Variants in SYNPR observed in about 807,000 individuals in gnomAD.
The protein encoded by SYNPR is synaptoporin.
Under a neutral mutation model 32.9 loss-of-function variants are expected in SYNPR, and 23 were observed. That is an observed-to-expected ratio of 0.70 (90% CI 0.50 to 0.99). SYNPR has a LOEUF of 0.99. SYNPR is among the 50% of genes least tolerant of loss of function. The pLI is 0.00. For missense variants in SYNPR, 318 were observed against 349.3 expected (o/e 0.91, Z 0.71); for synonymous variants, 146 against 135.9 (o/e 1.07, Z -0.52).
At chr3:63,593,105 A>C (rs557661642) in intron 4 of SYNPR, among the ~76,000 whole-genome samples, 8 of 152,212 alleles carry the variant, frequency 5.3e-5, no homozygotes, top group South Asian at 2.1e-4. Flanking sequence ...TTCTCAATGA[A>C]GATCAAGCAG....
chr3:63,432,440 G>A (rs1700011271), intron 2 of SYNPR, among the ~76,000 whole-genome samples: 1 of 152,164 alleles, frequency 6.6e-6, no homozygotes, highest in African/African-American at 2.4e-5. Flanking sequence ...ATTTTAAGAA[G>A]TGGTTCTGGG....
intron 2 of SYNPR, among the ~76,000 whole-genome samples, chr3:63,475,187 A>G (rs1313971248): frequency 6.6e-6 from 1 of 152,168 alleles, no homozygotes. Flanking sequence ...ATCAGGCTGC[A>G]TAGAAGGGGA....
intron 2 of SYNPR, among the ~76,000 whole-genome samples, chr3:63,265,786 TG>T (rs2086481193): frequency 6.6e-6 from 1 of 152,202 alleles, no homozygotes; most frequent in Non-Finnish European, 1.5e-5. Flanking sequence ...ATATCACCAC[TG>T]TTGTCCTAAT....
At chr3:63,516,655 C>T (rs1004059288) in intron 3 of SYNPR, among the ~76,000 whole-genome samples, 1 of 152,092 alleles carries the variant, frequency 6.6e-6, no homozygotes, top group Non-Finnish European at 1.5e-5. Context: ...GATCCAAAGA[C>T]TTCTCTATTT....
intron 2 of SYNPR, among the ~76,000 whole-genome samples, chr3:63,438,304 C>T (rs935775646): frequency 1.3e-5 from 2 of 152,194 alleles, no homozygotes; most frequent in Non-Finnish European, 2.9e-5. Flanking sequence ...GCTTTTCTTG[C>T]ATCCACAAAC....
At chr3:63,443,134 G>T in intron 2 of SYNPR, 2 of 1,149,408 alleles carry the variant, frequency 1.7e-6, no homozygotes, top group Non-Finnish European at 2.2e-6. Flanking sequence ...GCTCACCATG[G>T]TGGCAGCCAC....
chr3:63,245,174 ATC>A (rs2086274800), intron 1 of SYNPR, among the ~76,000 whole-genome samples: 2 of 152,180 alleles, frequency 1.3e-5, no homozygotes, highest in African/African-American at 4.8e-5. Flanking sequence ...CCAGTGTCAA[ATC>A]TCTGTTTTCA....
At chr3:63,450,067 G>A (rs1700350425) in intron 2 of SYNPR, among the ~76,000 whole-genome samples, 1 of 152,102 alleles carries the variant, frequency 6.6e-6, no homozygotes, top group Admixed American at 6.6e-5. Context: ...GTTCAATAAG[G>A]GCAGCACAGC....
intron 1 of SYNPR, among the ~76,000 whole-genome samples, chr3:63,243,088 A>G (rs1339101848): frequency 2.6e-5 from 4 of 152,138 alleles, no homozygotes; most frequent in Non-Finnish European, 4.4e-5. Context: ...GACAGCATCT[A>G]ATATATGTCT....
intron 4 of SYNPR, among the ~76,000 whole-genome samples, chr3:63,606,314 T>G (rs904838524): frequency 1.8e-4 from 27 of 152,086 alleles, no homozygotes; most frequent in African/African-American, 5.6e-4. Flanking sequence ...ATACCATGTT[T>G]ATTCTGAAGA....
chr3:63,225,460 C>A (rs868121671), upstream of SYNPR, among the ~76,000 whole-genome samples: 1 of 152,164 alleles, frequency 6.6e-6, no homozygotes, highest in Admixed American at 6.5e-5. Flanking sequence ...CCAAACCACC[C>A]TGGCATCAAC....
At chr3:63,349,631 T>C (rs1166546656) in intron 2 of SYNPR, among the ~76,000 whole-genome samples, 1 of 152,226 alleles carries the variant, frequency 6.6e-6, no homozygotes. Flanking sequence ...TGCATCGAAA[T>C]GCCACTGATT....
intron 2 of SYNPR, among the ~76,000 whole-genome samples, chr3:63,368,905 GAGA>G (rs1206354130): frequency 2.6e-5 from 4 of 152,194 alleles, no homozygotes; most frequent in Non-Finnish European, 5.9e-5. Flanking sequence ...TCTTAGAGTT[GAGA>G]AGGACACCTT....
intron 2 of SYNPR, among the ~76,000 whole-genome samples, chr3:63,340,987 A>G (rs937526642): frequency 6.6e-6 from 1 of 152,198 alleles, no homozygotes; most frequent in African/African-American, 2.4e-5. Flanking sequence ...ACAGTGTCAT[A>G]CAGAATAGTT....
intron 2 of SYNPR, among the ~76,000 whole-genome samples, chr3:63,373,423 T>C (rs994409726): frequency 6.6e-6 from 1 of 151,856 alleles, no homozygotes; most frequent in Non-Finnish European, 1.5e-5. Context: ...CCACAAAAAT[T>C]TCATAATGCA....
At chr3:63,505,905 T>C (rs1344307365) in intron 3 of SYNPR, among the ~76,000 whole-genome samples, 1 of 152,150 alleles carries the variant, frequency 6.6e-6, no homozygotes, top group African/African-American at 2.4e-5. Context: ...GCCAACCCTT[T>C]TATTGATTTT....
At chr3:63,479,046 A>G (rs1018888725) in intron 2 of SYNPR, among the ~76,000 whole-genome samples, 8 of 152,174 alleles carry the variant, frequency 5.3e-5, no homozygotes, top group Admixed American at 2.0e-4. Context: ...CAGCTTCAGC[A>G]TTCTGTGTCT....
At chr3:63,426,462 A>G (rs1699893867) in intron 2 of SYNPR, among the ~76,000 whole-genome samples, 1 of 152,150 alleles carries the variant, frequency 6.6e-6, no homozygotes, top group Non-Finnish European at 1.5e-5. Flanking sequence ...CATGATCTAA[A>G]AGTACCTCTT....
chr3:63,591,312 T>C (rs914077245), intron 4 of SYNPR, among the ~76,000 whole-genome samples: 1 of 126,616 alleles, frequency 7.9e-6, no homozygotes, highest in African/African-American at 3.1e-5. Flanking sequence ...AAACAACAGG[T>C]GCTGGAGAGG....
Sources: gnomAD v4.1 joint callset for allele counts (sites outside exome capture counted in the v4.1 genomes callset) on GRCh38, gnomAD v4.1.1 for gene constraint, MANE v1.5 for transcripts, NCBI Gene and HGNC (gene_info 2026-07-23, HGNC 2026-07-21) for gene names.